Variants in PKHD1 observed in about 807,000 individuals in gnomAD.
PKHD1 encodes the protein PKHD1 ciliary IPT domain containing fibrocystin/polyductin.
In PKHD1, 291 loss-of-function variants were observed where a neutral mutation model predicts 412.0. That is an observed-to-expected ratio of 0.71 (90% CI 0.64 to 0.78). The LOEUF is 0.78. Ranked by LOEUF, PKHD1 falls within the 30% of genes least tolerant of loss-of-function variation. The pLI is 0.00. For synonymous variants in PKHD1, 1,777 were observed against 1,821.5 expected, an observed-to-expected ratio of 0.98 and a Z score of 0.62; for missense variants, 4,825 against 4,950.7, an observed-to-expected ratio of 0.97 and a Z score of 0.76.
chr6:51,691,422 T>A (rs530369568), intron 60 of PKHD1, among the ~76,000 whole-genome samples: 1 of 152,142 alleles, frequency 6.6e-6, no homozygotes, highest in African/African-American at 2.4e-5. Context: ...CCATTAATTA[T>A]AGCTTGGTTA....
intron 61 of PKHD1, among the ~76,000 whole-genome samples, chr6:51,651,894 G>A (rs188916812): frequency 1.0e-3 from 155 of 152,288 alleles, no homozygotes; most frequent in Non-Finnish European, 3.4e-4. Flanking sequence ...TTGTTAGACA[G>A]TTGTAAGGTT....
chr6:51,722,109 C>A (rs1781999154), intron 60 of PKHD1: 2 of 1,605,294 alleles, frequency 1.2e-6, no homozygotes, highest in Non-Finnish European at 1.7e-6. Flanking sequence ...ATGCTTTCCA[C>A]ATTGCATCCA....
rs1244037435 is a variant in PKHD1, at chr6:52,043,841, T to C, written c.2716-111A>G. On this transcript the variant is annotated intron_variant, in intron 25 of 66. Coordinates refer to ENST00000371117, the MANE Select transcript of PKHD1 (RefSeq NM_138694.4). ...CTGACACGTGTTCATGATTCGCTAA[T>C]TCTTATTCCTTTTTTCTATTTTTCC... The C allele has an allele frequency of 2.7e-5, 19 of 716,360 alleles. No individual in the cohort carries two copies. In the East Asian group the frequency reaches 5.1e-4, roughly 19 times the overall value. The allele number at this position is 716,360 out of a possible 1,614,324, so 44.4% of individuals were successfully genotyped here.
At chr6:51,675,218 C>G (rs994105560) in intron 60 of PKHD1, among the ~76,000 whole-genome samples, 1 of 152,180 alleles carries the variant, frequency 6.6e-6, no homozygotes, top group Non-Finnish European at 1.5e-5. Flanking sequence ...AGAGCTCAAT[C>G]CTCAGCCACT....
rs530872391 is a variant in PKHD1 at position 51,704,626 on chromosome 6, A to C, written c.10156+39759T>G. Among the ~76,000 whole-genome samples the C allele has an allele frequency of 2.6e-5, 4 of 152,232 alleles. No individual in the cohort carries two copies. In the East Asian group the frequency reaches 7.7e-4, roughly 29 times the overall value. Reference sequence around the variant, plus strand: ...TTTGCAAGTCTTTGTGACTCTGTGAAGGATGGAACCGAGGGAGGTGCAGTC... The same window carrying C: ...TTTGCAAGTCTTTGTGACTCTGTGACGGATGGAACCGAGGGAGGTGCAGTC... On this transcript the variant is annotated intron_variant, in intron 60 of 66. Coordinates refer to ENST00000371117, the MANE Select transcript of PKHD1 (RefSeq NM_138694.4).
intron 21 of PKHD1, among the ~76,000 whole-genome samples, chr6:52,051,985 A>C (rs1026014548): frequency 6.6e-6 from 1 of 152,146 alleles, no homozygotes; most frequent in African/African-American, 2.4e-5. Flanking sequence ...CAGAGGAGAG[A>C]TGGGATTTTG....
Position 51,907,483 on chromosome 6 carries a change from C to T in PKHD1, c.6683-1143G>A, listed in dbSNP as rs906699444. 1.7e-4 allele frequency among the ~76,000 whole-genome samples: 26 copies of T among 152,160 alleles called. 1 individual carries two copies. The highest frequency in any genetic ancestry group is 5.3e-4 in the African/African-American group (22 of 41,504). ...GTGCACAGAATCTTCACCATATCAC[C>T]CAAACAGCATAGGCCTGACCATGTG... On this transcript the variant is annotated intron_variant, in intron 40 of 66. Transcript: ENST00000371117.
At chr6:51,791,199 T>C (rs771041282) in intron 53 of PKHD1, 37 bp downstream of exon 53, 3 of 1,606,580 alleles carry the variant, frequency 1.9e-6, no homozygotes, top group Admixed American at 3.3e-5. Flanking sequence ...CAGAATATAA[T>C]TCTCAACATG....
chr6:51,816,372 T>C (rs1765466989), intron 52 of PKHD1, among the ~76,000 whole-genome samples: 1 of 152,202 alleles, frequency 6.6e-6, no homozygotes, highest in Non-Finnish European at 1.5e-5. Flanking sequence ...CATGTAGATG[T>C]CTGTACACCT....
intron 60 of PKHD1, among the ~76,000 whole-genome samples, chr6:51,702,454 A>G (rs955846624): frequency 6.6e-6 from 1 of 151,788 alleles, no homozygotes; most frequent in African/African-American, 2.4e-5. Context: ...CAGGTGAAAG[A>G]TAAAAGACTA....
intron 60 of PKHD1, 54 bp downstream of exon 60, chr6:51,744,331 C>T: frequency 6.6e-7 from 1 of 1,509,540 alleles, no homozygotes; most frequent in Non-Finnish European, 9.2e-7. Context: ...AAAACCAGCT[C>T]CTTCACAAGC....
intron 60 of PKHD1, among the ~76,000 whole-genome samples, chr6:51,711,644 G>C (rs1437386400): frequency 1.3e-5 from 2 of 152,064 alleles, no homozygotes; most frequent in East Asian, 3.9e-4. Context: ...GAAACATAAG[G>C]ATTTATAATG....
chr6:51,960,156 G>A, intron 35 of PKHD1, 130 bp from the exon 36 acceptor site: 1 of 799,184 alleles, frequency 1.3e-6, no homozygotes, highest in Non-Finnish European at 2.1e-6. Context: ...TATAAGTATT[G>A]AATCAAAATA....
chr6:51,686,676 T>A (rs1777484726), intron 60 of PKHD1, among the ~76,000 whole-genome samples: 1 of 152,222 alleles, frequency 6.6e-6, no homozygotes, highest in Non-Finnish European at 1.5e-5. Context: ...GTAAGCCCTA[T>A]GAGAGCAGGG....
In PKHD1 at chr6:51,616,542, T is replaced by A. The variant is rs1043494568; in HGVS notation, c.*2539A>T. 7 of 389,580 alleles carry A rather than the reference T, an allele frequency of 1.8e-5. No individual in the cohort carries two copies. The highest frequency in any genetic ancestry group is 1.2e-4 in the African/African-American group (6 of 48,174). 24.1% of individuals were successfully genotyped at this position (389,580 alleles called of 1,614,324 possible). On this transcript the variant is annotated 3_prime_UTR_variant, in exon 67 of 67. Transcript: ENST00000371117. The stretch of plus-strand genomic sequence containing the variant: ...TAATTCTCTCATTTTTTTTTTTTTT[T>A]AGGAGAAAGAGGAGTAGCTTAACTA...
chr6:51,755,387 C>A (rs1026911148), intron 55 of PKHD1, among the ~76,000 whole-genome samples: 9 of 152,130 alleles, frequency 5.9e-5, no homozygotes, highest in Non-Finnish European at 1.2e-4. Context: ...TGTTACAAAT[C>A]CTACCTTCAT....
In PKHD1 at chr6:52,024,934, T is replaced by C. The variant is rs770183868; in HGVS notation, c.4876A>G (p.Ile1626Val). 19 of 1,614,054 alleles carry C rather than the reference T, an allele frequency of 1.2e-5. No homozygotes were observed. The African/African-American group carries it at 1.2e-4, about 10-fold the overall frequency. Residue 1626 changes from isoleucine to valine, a missense_variant, in exon 32 of 67, where the codon ATT becomes GTT. Coordinates refer to ENST00000371117, the MANE Select transcript of PKHD1 (RefSeq NM_138694.4). ...ACAGAGCCATTCCCTGTGGGAACAATGCACCGGATGAGCTCAGCACCGATG... is the reference window on the plus strand; with the variant it reads ...ACAGAGCCATTCCCTGTGGGAACAACGCACCGGATGAGCTCAGCACCGATG... ...VNIGAELIRC[I>V]VPTGNGSVAL...
chr6:51,939,575 T>C (rs907357090), intron 36 of PKHD1, among the ~76,000 whole-genome samples: 2 of 151,582 alleles, frequency 1.3e-5, no homozygotes, highest in African/African-American at 4.8e-5. Flanking sequence ...AAACAGCATT[T>C]TCGATTTTTC....
Position 51,973,912 on chromosome 6 carries a change from T to A in PKHD1, c.5752-13886A>T, listed in dbSNP as rs202172469. Among the ~76,000 whole-genome samples the A allele has an allele frequency of 3.9e-5, 6 of 152,212 alleles. No individual in the cohort carries two copies. The East Asian group carries it at 1.2e-3, about 29-fold the overall frequency. On this transcript the variant is annotated intron_variant, in intron 35 of 66. Coordinates refer to ENST00000371117, the MANE Select transcript of PKHD1 (RefSeq NM_138694.4). ...AAGCTTAGCTATTGGTTCCAATATCTCATTTTATAAATGTGAAACTCAGTG... is the reference window on the plus strand; with the variant it reads ...AAGCTTAGCTATTGGTTCCAATATCACATTTTATAAATGTGAAACTCAGTG...
Sources: gnomAD v4.1 joint callset for allele counts (sites outside exome capture counted in the v4.1 genomes callset) on GRCh38, gnomAD v4.1.1 for gene constraint, MANE v1.5 for transcripts, NCBI Gene and HGNC (gene_info 2026-07-23, HGNC 2026-07-21) for gene names.